CACNB2: variants seen among roughly 807,000 people sequenced by gnomAD.
CACNB2 encodes the protein calcium voltage-gated channel auxiliary subunit beta 2.
CACNB2 carries 42 observed loss-of-function variants against 73.3 expected under a neutral mutation model. That is an observed-to-expected ratio of 0.57 (90% CI 0.45 to 0.74). CACNB2 has a LOEUF of 0.74. Ranked by LOEUF, CACNB2 falls within the 30% of genes least tolerant of loss-of-function variation. The pLI is 0.00. For synonymous variants in CACNB2, 348 were observed against 310.3 expected (o/e 1.12, Z -1.28); for missense variants, 940 against 853.0 (o/e 1.10, Z -1.27).
At chr10:18,294,728 T>C (rs944557779) in intron 2 of CACNB2, among the ~76,000 whole-genome samples, 2 of 151,872 alleles carry the variant, frequency 1.3e-5, no homozygotes, top group African/African-American at 4.8e-5. Flanking sequence ...AAGGCAGGAG[T>C]CTGCCCAGAA....
intron 2 of CACNB2, among the ~76,000 whole-genome samples, chr10:18,207,345 T>G (rs375626483): frequency 1.3e-5 from 2 of 152,278 alleles, no homozygotes; most frequent in African/African-American, 4.8e-5. Context: ...AGCCAATAAT[T>G]GTTCTATTTT....
At chr10:18,513,123 G>A (rs1479120740) in intron 6 of CACNB2, 3 of 35,706 alleles carry the variant, frequency 8.4e-5, no homozygotes, top group African/African-American at 3.7e-4. Context: ...TTTTTTTTTG[G>A]TGCAAGTTTG....
chr10:18,429,904 A>G (rs1316941881), intron 3 of CACNB2, among the ~76,000 whole-genome samples: 1 of 151,792 alleles, frequency 6.6e-6, no homozygotes, highest in Non-Finnish European at 1.5e-5. Flanking sequence ...ACTTGAGCCC[A>G]GGAGTTCAAG....
Position 18,442,971 on chromosome 10 carries a change from T to TATAC in CACNB2, c.333+40928_333+40929insATAC, listed in dbSNP as rs1338766083. On this transcript the variant is annotated intron_variant, in intron 3 of 13. Coordinates refer to ENST00000324631, the MANE Select transcript of CACNB2 (RefSeq NM_201596.3). ...ATATATATATATGTATATATATATG[T>TATAC]GTATATATATATATGTATATATATA... Among the ~76,000 whole-genome samples the TATAC allele has an allele frequency of 1.1e-4, 2 of 18,596 alleles. 1 individual carries two copies. Among genetic ancestry groups the TATAC allele is most frequent in the South Asian group, 3.5e-3 (2 of 568 alleles). 12.2% of individuals were successfully genotyped at this position (18,596 alleles called of 152,430 possible).
chr10:18,505,506 C>A (rs1044341698), intron 5 of CACNB2, among the ~76,000 whole-genome samples: 5 of 152,132 alleles, frequency 3.3e-5, no homozygotes, highest in African/African-American at 4.8e-5. Flanking sequence ...GTTACTGATA[C>A]TTTAATAAAA....
intron 2 of CACNB2, among the ~76,000 whole-genome samples, chr10:18,220,224 T>TGGGGGGGG (rs2035710290): frequency 2.1e-5 from 1 of 48,030 alleles, no homozygotes; most frequent in African/African-American, 1.8e-4. Flanking sequence ...TATATATATA[T>TGGGGGGGG]ATATATATAG....
At chr10:18,165,396 A>C (rs576312149) in intron 2 of CACNB2, among the ~76,000 whole-genome samples, 2 of 152,308 alleles carry the variant, frequency 1.3e-5, no homozygotes, top group East Asian at 3.9e-4. Context: ...ATGTCACTGC[A>C]CCTGTGCCCT....
At chr10:18,312,210 G>C (rs1348968701) in intron 2 of CACNB2, among the ~76,000 whole-genome samples, 1 of 152,082 alleles carries the variant, frequency 6.6e-6, no homozygotes, top group Admixed American at 6.6e-5. Flanking sequence ...TCATAAGTTT[G>C]CAACTTAAAA....
chr10:18,264,556 T>C (rs2037703738), intron 2 of CACNB2, among the ~76,000 whole-genome samples: 1 of 152,180 alleles, frequency 6.6e-6, no homozygotes, highest in Non-Finnish European at 1.5e-5. Context: ...CTAAACAGAC[T>C]TCTAACATGG....
At chr10:18,232,115 T>G (rs1281132326) in intron 2 of CACNB2, among the ~76,000 whole-genome samples, 1 of 152,192 alleles carries the variant, frequency 6.6e-6, no homozygotes, top group Non-Finnish European at 1.5e-5. Context: ...TACTTTCTGA[T>G]TTGTTTTTCT....
chr10:18,196,528 G>C (rs561831734), intron 2 of CACNB2, among the ~76,000 whole-genome samples: 3 of 152,138 alleles, frequency 2.0e-5, no homozygotes, highest in South Asian at 2.1e-4. Flanking sequence ...ATGTTCCCCA[G>C]GCTAGTCTCG....
At chr10:18,464,657 A>G (rs766394137) in intron 3 of CACNB2, among the ~76,000 whole-genome samples, 17 of 152,020 alleles carry the variant, frequency 1.1e-4, no homozygotes, top group South Asian at 6.2e-4. Flanking sequence ...ACTCTAAAAT[A>G]CACCCAGCTT....
chr10:18,522,468 T>C (rs749711300), intron 9 of CACNB2, among the ~76,000 whole-genome samples: 1 of 152,156 alleles, frequency 6.6e-6, no homozygotes, highest in African/African-American at 2.4e-5. Flanking sequence ...TTTCTTACTA[T>C]AGTACTTTCT....
At chr10:18,282,676 G>A (rs2038605377) in intron 2 of CACNB2, among the ~76,000 whole-genome samples, 1 of 152,170 alleles carries the variant, frequency 6.6e-6, no homozygotes, top group Non-Finnish European at 1.5e-5. Context: ...TATATTGACT[G>A]GACAAGGAGT....
At chr10:18,172,416 T>G (rs2033306232) in intron 2 of CACNB2, among the ~76,000 whole-genome samples, 1 of 152,196 alleles carries the variant, frequency 6.6e-6, no homozygotes, top group Non-Finnish European at 1.5e-5. Flanking sequence ...GGAAATGTTT[T>G]TCTCTTCTCT....
intron 3 of CACNB2, among the ~76,000 whole-genome samples, chr10:18,415,695 A>G (rs1418790040): frequency 6.6e-6 from 1 of 152,166 alleles, no homozygotes; most frequent in Non-Finnish European, 1.5e-5. Context: ...GGGGTCCAAC[A>G]ACGCCTGCCA....
intron 2 of CACNB2, among the ~76,000 whole-genome samples, chr10:18,386,907 T>C (rs1365432924): frequency 6.6e-6 from 1 of 152,228 alleles, no homozygotes; most frequent in Non-Finnish European, 1.5e-5. Flanking sequence ...GTGATGATGA[T>C]GATGAAGGAT....
chr10:18,537,338 CT>C (rs1350827690), intron 12 of CACNB2, among the ~76,000 whole-genome samples: 1 of 151,974 alleles, frequency 6.6e-6, no homozygotes, highest in East Asian at 1.9e-4. Flanking sequence ...TATTTGATTG[CT>C]TAATATATGT....
At chr10:18,505,653 T>C (rs2050448940) in intron 5 of CACNB2, among the ~76,000 whole-genome samples, 1 of 152,162 alleles carries the variant, frequency 6.6e-6, no homozygotes, top group African/African-American at 2.4e-5. Flanking sequence ...TGCCCAAATG[T>C]AAAATGTTCT....
Sources: allele counts gnomAD v4.1 joint callset (sites outside exome capture counted in the v4.1 genomes callset), GRCh38; gene constraint gnomAD v4.1.1; transcripts MANE v1.5; gene names NCBI Gene and HGNC (gene_info 2026-07-23, HGNC 2026-07-21).